Variants in CNBD1 observed in about 807,000 individuals in gnomAD.
CNBD1 encodes the protein cyclic nucleotide binding domain containing 1, also known as cyclic nucleotide-binding domain-containing protein 1.
Under a neutral mutation model 54.4 loss-of-function variants are expected in CNBD1, and 71 were observed. That is an observed-to-expected ratio of 1.30 (90% CI 1.08 to 1.59). CNBD1 has a LOEUF of 1.59. Among genes scored for constraint, CNBD1 ranks in the 40% most tolerant of loss-of-function variants. The probability of loss-of-function intolerance (pLI) is 0.00; values close to 1 mark genes in which losing one functional copy is unlikely to be tolerated. For missense variants in CNBD1, 659 were observed against 518.0 expected, an observed-to-expected ratio of 1.27 and a Z score of -2.64; for synonymous variants, 182 against 170.7, an observed-to-expected ratio of 1.07 and a Z score of -0.51.
chr8:87,378,619 A>G (rs1295179049), intron 10 of CNBD1, among the ~76,000 whole-genome samples: 1 of 148,290 alleles, frequency 6.7e-6, no homozygotes, highest in African/African-American at 2.5e-5. Flanking sequence ...TTGGCTTAGG[A>G]TTGACTTGGC....
At chr8:87,364,323 G>GTTTGACCA in intron 10 of CNBD1, among the ~76,000 whole-genome samples, 1 of 151,790 alleles carries the variant, frequency 6.6e-6, no homozygotes, top group Non-Finnish European at 1.5e-5. Context: ...GACAATATGT[G>GTTTGACCA]TTTGACCACT....
At chr8:87,264,218 A>T (rs1217815397) in intron 6 of CNBD1, among the ~76,000 whole-genome samples, 1 of 151,888 alleles carries the variant, frequency 6.6e-6, no homozygotes, top group Non-Finnish European at 1.5e-5. Flanking sequence ...TCTTTGTTCA[A>T]TTCCCACCTA....
chr8:87,280,739 AG>A (rs1418847712), intron 6 of CNBD1, among the ~76,000 whole-genome samples: 1 of 151,608 alleles, frequency 6.6e-6, no homozygotes, highest in East Asian at 1.9e-4. Context: ...TTCAAAAGAA[AG>A]ATTTATAGAT....
In CNBD1 at chr8:87,425,660, G is replaced by A. The variant is rs544210127; in HGVS notation, c.214-2886G>A. On this transcript the variant is annotated intron_variant, in intron 2 of 7. Transcript: ENST00000521593. ...GTCAGGGGTCAGGGACCCACTTGAG[G>A]AGGCAGTCTGCCCGTTCTCAGATCT... Among the ~76,000 whole-genome samples the A allele has an allele frequency of 5.5e-3, 840 of 152,198 alleles. 9 individuals carry two copies. Among genetic ancestry groups the A allele is most frequent in the South Asian group, 0.04 (193 of 4,816 alleles).
At chr8:86,894,456 A>G (rs144166064) in intron 2 of CNBD1, among the ~76,000 whole-genome samples, 1,936 of 152,236 alleles carry the variant, frequency 0.013, 14 homozygotes, top group Middle Eastern at 0.027. Context: ...CTAGTTTCCC[A>G]TATGATCAAT....
intron 4 of CNBD1, among the ~76,000 whole-genome samples, chr8:87,157,151 A>G (rs1299266410): frequency 1.3e-5 from 2 of 152,260 alleles, no homozygotes; most frequent in Middle Eastern, 3.4e-3. Flanking sequence ...AAAACAAGAT[A>G]ATATTGTAGT....
chr8:86,989,887 C>T (rs1479758494), intron 4 of CNBD1, among the ~76,000 whole-genome samples: 1 of 152,124 alleles, frequency 6.6e-6, no homozygotes, highest in Non-Finnish European at 1.5e-5. Flanking sequence ...GAATAAAAGC[C>T]ATTTTAACTG....
chr8:87,223,497 T>C (rs1814395447), intron 5 of CNBD1, among the ~76,000 whole-genome samples: 1 of 151,598 alleles, frequency 6.6e-6, no homozygotes, highest in Non-Finnish European at 1.5e-5. Context: ...CAGTGTTTGG[T>C]TTTTTGTTCT....
chr8:87,351,718 T>A lies in CNBD1; in HGVS notation c.1076T>A (p.Val359Glu). 1 of 1,532,418 alleles carries A rather than the reference T, an allele frequency of 6.5e-7. No individual in the cohort carries two copies. Among genetic ancestry groups the A allele is most frequent in the East Asian group, 2.4e-5 (1 of 40,936 alleles). 94.9% of individuals were successfully genotyped at this position (1,532,418 alleles called of 1,614,324 possible). A position where few individuals can be genotyped will look rare whatever the true frequency, so the allele number is the denominator to read the frequency against. ...GAAAGTGGAAATATAATTTCTTTTG[T>A]GGGTTATATTAACTCTGGATGCTGT... ...IVESGNIISF[V>E]GYINSGCCNI... Residue 359 changes from valine (V) to glutamate (E), a missense_variant, in exon 9 of 11, where the codon GTG (valine) becomes GAG (glutamate). Val to Glu is a moderately radical substitution (Grantham distance 121, BLOSUM62 -2). Coordinates refer to ENST00000518476, the MANE Select transcript of CNBD1 (RefSeq NM_173538.3).
chr8:87,376,213 C>A (rs1810930318), intron 10 of CNBD1, among the ~76,000 whole-genome samples: 1 of 151,822 alleles, frequency 6.6e-6, no homozygotes. Flanking sequence ...TTTATTTTCC[C>A]ATAGTTTTGG....
intron 8 of CNBD1, among the ~76,000 whole-genome samples, chr8:87,302,482 C>A (rs568045937): frequency 6.6e-6 from 1 of 151,832 alleles, no homozygotes; most frequent in Admixed American, 6.6e-5. Context: ...ATTGATGGGA[C>A]GTATCTCAAA....
chr8:87,036,804 A>AT (rs1334635667), intron 4 of CNBD1, among the ~76,000 whole-genome samples: 1 of 152,056 alleles, frequency 6.6e-6, no homozygotes, highest in Non-Finnish European at 1.5e-5. Flanking sequence ...ATAACATATC[A>AT]TTTTTTTCCC....
intron 8 of CNBD1, among the ~76,000 whole-genome samples, chr8:87,292,115 T>C (rs1032325958): frequency 6.6e-6 from 1 of 152,222 alleles, no homozygotes; most frequent in Non-Finnish European, 1.5e-5. Context: ...AATCTTAAAA[T>C]ATATTAATAC....
At chr8:87,159,879 A>G (rs1327476073) in intron 4 of CNBD1, among the ~76,000 whole-genome samples, 1 of 151,978 alleles carries the variant, frequency 6.6e-6, no homozygotes, top group Non-Finnish European at 1.5e-5. Flanking sequence ...AGTAGCATTT[A>G]TATTTAAAGG....
At chr8:86,979,078 TA>T (rs1406996788) in intron 4 of CNBD1, among the ~76,000 whole-genome samples, 2 of 152,080 alleles carry the variant, frequency 1.3e-5, no homozygotes, top group Non-Finnish European at 2.9e-5. Flanking sequence ...GATTATGACT[TA>T]AAAAATTTAC....
intron 3 of CNBD1, among the ~76,000 whole-genome samples, chr8:86,932,774 T>C (rs1809478431): frequency 3.3e-5 from 5 of 151,978 alleles, no homozygotes; most frequent in Admixed American, 3.3e-4. Context: ...AGGGTGAGCT[T>C]CTTGATGCCT....
chr8:86,935,781 CTCTT>C lies in CNBD1; in HGVS notation c.273-3809_273-3806del, dbSNP rs1216752564. Among the ~76,000 whole-genome samples, 220 of 152,134 alleles carry C rather than the reference CTCTT, an allele frequency of 1.4e-3. 1 individual carries two copies. The highest frequency in any genetic ancestry group is 5.2e-3 in the African/African-American group (215 of 41,514). On this transcript the variant is annotated intron_variant, in intron 3 of 10. Coordinates refer to ENST00000518476, the MANE Select transcript of CNBD1 (RefSeq NM_173538.3). ...TTATACTTATTTTGAGTATAACTTA[CTCTT>C]TCTTTTTCTCATTTTTTGAGATCTG...
chr8:87,278,268 A>T (rs1449428985), intron 6 of CNBD1, among the ~76,000 whole-genome samples: 1 of 151,670 alleles, frequency 6.6e-6, no homozygotes, highest in Non-Finnish European at 1.5e-5. Flanking sequence ...AACAATATTT[A>T]GTCCTGCCTG....
chr8:86,921,241 A>T (rs1010997542), intron 3 of CNBD1, among the ~76,000 whole-genome samples: 2 of 152,156 alleles, frequency 1.3e-5, no homozygotes, highest in African/African-American at 4.8e-5. Context: ...GCTCTTTGAA[A>T]ATATGTATTT....
Sources: gnomAD v4.1 joint callset for allele counts (sites outside exome capture counted in the v4.1 genomes callset) on GRCh38, gnomAD v4.1.1 for gene constraint, MANE v1.5 for transcripts, NCBI Gene and HGNC (gene_info 2026-07-23, HGNC 2026-07-21) for gene names.